Variants in MOG observed in about 807,000 individuals in gnomAD.
MOG encodes the protein myelin oligodendrocyte glycoprotein, also known as myelin-oligodendrocyte glycoprotein.
A neutral mutation model predicts 35.9 loss-of-function variants in MOG; 20 were observed. The observed-to-expected ratio is 0.56, with a 90% CI of 0.39 to 0.81. MOG has a LOEUF of 0.81. Among genes scored for constraint, MOG ranks in the 30% least tolerant of loss-of-function variants. The pLI is 0.00. For missense variants in MOG, 251 were observed against 301.0 expected (o/e 0.83, Z 1.23); for synonymous variants, 92 against 114.3 (o/e 0.80, Z 1.25).
chr6:29,666,128 T>TC (rs1382987450), intron 2 of MOG, 24 bp from the exon 3 acceptor site: 12 of 1,491,064 alleles, frequency 8.0e-6, no homozygotes, highest in Non-Finnish European at 1.1e-5. Flanking sequence ...CTGGACAATG[T>TC]CAAATGTCAG....
chr6:29,670,195 C>G lies in MOG; in HGVS notation c.593-86C>G, dbSNP rs764633389. The G allele has an allele frequency of 2.5e-6, 4 of 1,613,702 alleles. No individual in the cohort carries two copies. The African/African-American group carries it at 5.3e-5, about 22-fold the overall frequency. ...CCAGAGTCCTTTGGTGTTCTAGGAC[C>G]CCAGGTTAAGGAACCAAAAAAGACA... On this transcript the variant is annotated intron_variant, in intron 5 of 7. Transcript: ENST00000376917. The surrounding 1 kb of genome is among the most constrained non-coding windows in gnomAD (Gnocchi z 4.2).
At position 29,670,772 on chromosome 6, in the gene MOG, G is replaced by A; in HGVS notation, c.730+51G>A. 6.2e-7 allele frequency: 1 copy of A among 1,606,992 alleles called. No homozygotes were observed. Among genetic ancestry groups the A allele is most frequent in the Non-Finnish European group, 8.5e-7 (1 of 1,176,778 alleles). On this transcript the variant is annotated intron_variant, in intron 7 of 7. Coordinates refer to ENST00000376917, the MANE Select transcript of MOG (RefSeq NM_206809.4). The surrounding 1 kb of genome is among the most constrained non-coding windows in gnomAD (Gnocchi z 4.2). ...GCAGAGAATAAAAAGCCAGGAAAGG[G>A]AGACAGAAGCAACAAGAGGAAGAGG...
In MOG at chr6:29,657,235, T is replaced by C; in HGVS notation, c.26T>C (p.Leu9Pro). 1 of 1,610,642 alleles carries C rather than the reference T, an allele frequency of 6.2e-7. No homozygotes were observed. Among genetic ancestry groups the C allele is most frequent in the South Asian group, 1.1e-5 (1 of 90,700 alleles). Residue 9 changes from leucine (L) to proline (P), a missense_variant, in exon 1 of 8, where the codon CTG (leucine) becomes CCG (proline). Physicochemically the swap from Leu to Pro is moderately conservative, Grantham distance 98. Coordinates refer to ENST00000376917, the MANE Select transcript of MOG (RefSeq NM_206809.4). The part of the protein sequence containing the change: MASLSRPS[L>P]PSCLCSFLLL... ...ATGGCAAGCTTATCAAGACCCTCTC[T>C]GCCCAGCTGCCTCTGCTCCTTCCTC...
At chr6:29,667,558 A>G (rs1770485781) in intron 3 of MOG, 85 bp from the exon 4 acceptor site, 1 of 1,401,774 alleles carries the variant, frequency 7.1e-7, no homozygotes, top group Non-Finnish European at 1.0e-6. Context: ...TAGCCTGCAC[A>G]AGGGGCCCAG....
intron 1 of MOG, among the ~76,000 whole-genome samples, chr6:29,658,394 C>T (rs1371528288): frequency 1.3e-5 from 2 of 151,996 alleles, no homozygotes; most frequent in African/African-American, 2.4e-5. Flanking sequence ...GGAACTTTTT[C>T]GGGTCAGGGT....
At chr6:29,659,250 T>C in intron 1 of MOG, 69 bp from the exon 2 acceptor site, 1 of 1,468,626 alleles carries the variant, frequency 6.8e-7, no homozygotes, top group Non-Finnish European at 9.5e-7. Flanking sequence ...AAGCAGCCCT[T>C]CTCATGACAG....
intron 2 of MOG, among the ~76,000 whole-genome samples, chr6:29,665,684 C>T (rs913683350): frequency 1.6e-4 from 24 of 151,924 alleles, no homozygotes; most frequent in African/African-American, 5.8e-4. Context: ...GACGTGGTCA[C>T]TTCTCAGCTT....
At chr6:29,664,890 G>A in intron 2 of MOG, 3 of 252,612 alleles carry the variant, frequency 1.2e-5, no homozygotes, top group South Asian at 3.6e-5. Flanking sequence ...GGATTACAGG[G>A]GAGAGCCACC....
chr6:29,659,709 C>A, intron 2 of MOG, 43 bp downstream of exon 2: 1 of 1,510,018 alleles, frequency 6.6e-7, no homozygotes, highest in Non-Finnish European at 9.1e-7. Context: ...TGTTGGGTGG[C>A]CAAGAACAAT....
rs1283077567 is a variant in MOG, at chr6:29,670,906, C to T, written c.730+185C>T. 4 of 1,605,360 alleles carry T rather than the reference C, an allele frequency of 2.5e-6. No homozygotes were observed. Among genetic ancestry groups the T allele is most frequent in the Non-Finnish European group, 3.4e-6 (4 of 1,176,182 alleles). ...GGGCAAAGAAGCCAGCTGTTAGAGA[C>T]ACATTTACAGGTGGCAGAGAAGCTG... On this transcript the variant is annotated intron_variant, in intron 7 of 7. Coordinates refer to ENST00000376917, the MANE Select transcript of MOG (RefSeq NM_206809.4). The surrounding 1 kb of genome is among the most constrained non-coding windows in gnomAD (Gnocchi z 4.2).
At position 29,659,300 on chromosome 6, in the gene MOG, C is replaced by T. The variant is rs1484099994; in HGVS notation, c.89-19C>T. The T allele has an allele frequency of 1.9e-6, 3 of 1,612,240 alleles. No homozygotes were observed. Among genetic ancestry groups the T allele is most frequent in the Non-Finnish European group, 2.5e-6 (3 of 1,179,360 alleles). On this transcript the variant is annotated intron_variant, in intron 1 of 7. Coordinates refer to ENST00000376917, the MANE Select transcript of MOG (RefSeq NM_206809.4). ...GTTCCCTCTGACCTTAAATCTCTTC[C>T]TTTTGGTGTCTTGGACAGGGCAGTT... is the stretch of plus-strand genomic sequence containing the variant.
At chr6:29,665,734 T>TAGGAAGTCAGGGGA (rs1413103540) in intron 2 of MOG, among the ~76,000 whole-genome samples, 9,091 of 148,978 alleles carry the variant, frequency 0.061, 580 homozygotes, top group African/African-American at 0.15. Flanking sequence ...GAACTACATA[T>TAGGAAGTCAGGGGA]TTGAAATACA....
At position 29,666,794 on chromosome 6, in the gene MOG, T is replaced by C. The variant is rs150455173; in HGVS notation, c.550+529T>C. On this transcript the variant is annotated intron_variant, in intron 3 of 7. Coordinates refer to ENST00000376917, the MANE Select transcript of MOG (RefSeq NM_206809.4). Reference sequence around the variant, plus strand: ...GCTGATGAAGCTCCTCTTTTTTGCCTAGAGCTTTCATTCTGAGCCTTCTCC... The same window carrying C: ...GCTGATGAAGCTCCTCTTTTTTGCCCAGAGCTTTCATTCTGAGCCTTCTCC... Among the ~76,000 whole-genome samples the C allele has an allele frequency of 2.2e-3, 337 of 152,300 alleles. 8 individuals are homozygous for C. The highest frequency in any genetic ancestry group is 0.014 in the Middle Eastern group (4 of 294).
intron 5 of MOG, among the ~76,000 whole-genome samples, chr6:29,669,874 G>A (rs900957804): frequency 6.6e-6 from 1 of 152,096 alleles, no homozygotes; most frequent in East Asian, 1.9e-4. Flanking sequence ...AGGTTCAAGC[G>A]ATTCTCCTGC....
rs549359245 is a variant in MOG at position 29,664,357 on chromosome 6, C to G, written c.437-1795C>G. The stretch of plus-strand genomic sequence containing the variant: ...CAAGTAGCTGGGATTACAGGCTGCA[C>G]CACCATGTCTGGCTAATTTTTGTAT... On this transcript the variant is annotated intron_variant, in intron 2 of 7. Transcript: ENST00000376917. Among the ~76,000 whole-genome samples, 11 of 152,038 alleles carry G rather than the reference C, an allele frequency of 7.2e-5. 1 individual carries two copies. The South Asian group carries it at 2.3e-3, about 32-fold the overall frequency.
intron 1 of MOG, 70 bp downstream of exon 1, chr6:29,657,367 C>A (rs1767328530): frequency 1.9e-5 from 21 of 1,114,188 alleles, no homozygotes; most frequent in Non-Finnish European, 2.4e-5. Flanking sequence ...TGGGGCTTAG[C>A]TCCTTCAAAC....
chr6:29,660,064 G>A (rs951335245), intron 2 of MOG: 2 of 288,620 alleles, frequency 6.9e-6, no homozygotes, highest in African/African-American at 4.4e-5. Flanking sequence ...ATGGTGGTTT[G>A]CCTCGCAGCT....
At chr6:29,667,030 CA>C (rs1020336764) in intron 3 of MOG, among the ~76,000 whole-genome samples, 11 of 152,040 alleles carry the variant, frequency 7.2e-5, no homozygotes, top group Non-Finnish European at 1.6e-4. Context: ...TTCTTCCACA[CA>C]AAAAAAGGCC....
rs760690143 is a variant in MOG at position 29,666,137 on chromosome 6, A to G, written c.437-15A>G. The G allele has an allele frequency of 6.4e-7, 1 of 1,552,952 alleles. No homozygotes were observed. The highest frequency in any genetic ancestry group is 8.9e-7 in the Non-Finnish European group (1 of 1,125,046). ...TCAGCTCTGGACAATGTCAAATGTC[A>G]GTCCTGCCTTTCAGATCCTTTCTAC... On this transcript the variant is annotated splice_polypyrimidine_tract_variant and intron_variant, in intron 2 of 7. Coordinates refer to ENST00000376917, the MANE Select transcript of MOG (RefSeq NM_206809.4).
Sources: gnomAD v4.1 joint callset for allele counts (sites outside exome capture counted in the v4.1 genomes callset) on GRCh38, gnomAD v4.1.1 for gene constraint, Gnocchi (gnomAD v3.1) non-coding constraint, MANE v1.5 for transcripts, NCBI Gene and HGNC (gene_info 2026-07-23, HGNC 2026-07-21) for gene names.